The following CRLF2 variants were observed in gnomAD, a reference collection of about 807,000 sequenced individuals.
CRLF2 encodes the protein cytokine receptor like factor 2, also known as cytokine receptor-like factor 2.
Under a neutral mutation model 38.7 loss-of-function variants are expected in CRLF2, and 41 were observed. The ratio of observed to expected loss-of-function variants is 1.06; its 90% CI spans 0.83 to 1.37. CRLF2 has a LOEUF of 1.37. CRLF2 is among the 40% of genes most tolerant of loss of function. The pLI is 0.00. For synonymous variants in CRLF2, 140 were observed against 128.8 expected, an observed-to-expected ratio of 1.09 and a Z score of -0.59; for missense variants, 377 against 322.2, an observed-to-expected ratio of 1.17 and a Z score of -1.30.
intron 4 of CRLF2, among the ~76,000 whole-genome samples, chrX:1,201,742 C>A (rs1378487082): frequency 4.0e-5 from 6 of 151,572 alleles, no homozygotes; most frequent in Non-Finnish European, 8.8e-5. Flanking sequence ...TGTATAGATA[C>A]ATACATAGAT....
intron 4 of CRLF2, 135 bp from the exon 5 acceptor site, chrX:1,198,859 A>T: frequency 1.1e-6 from 1 of 885,634 alleles, no homozygotes; most frequent in Non-Finnish European, 1.8e-6. Flanking sequence ...TCAAGAATGG[A>T]GCCGCGAGGC....
intron 3 of CRLF2, among the ~76,000 whole-genome samples, chrX:1,205,271 C>A (rs2147847073): frequency 6.6e-6 from 1 of 152,322 alleles, no homozygotes; most frequent in East Asian, 1.9e-4. Context: ...AGCTGGGCAC[C>A]GGGCTCTAGT....
At chrX:1,210,090 C>A (rs1447875636) in intron 1 of CRLF2, among the ~76,000 whole-genome samples, 2 of 125,200 alleles carry the variant, frequency 1.6e-5, no homozygotes, top group African/African-American at 3.3e-5. Flanking sequence ...GGTGACACAG[C>A]AAGACTCCCT....
Position 1,206,596 on chromosome X carries a change from G to C in CRLF2, c.186C>G (p.Phe62Leu), listed in dbSNP as rs752709788. Residue 62 changes from phenylalanine (F) to leucine (L), a missense_variant, in exon 3 of 8, where the codon TTC becomes TTG. Phe to Leu is a conservative substitution (Grantham distance 22). Transcript: ENST00000400841. The part of the protein sequence containing the change: ...SRTNLTFHYR[F>L]NGDEAYDQCT... The stretch of plus-strand genomic sequence containing the variant: ...ACTGGTCATAGGCCTCATCACCGTT[G>C]AATCTGTGGTTTAAAACGATGACCA... The C allele has an allele frequency of 4.3e-6, 7 of 1,612,902 alleles. No individual in the cohort carries two copies. The highest frequency in any genetic ancestry group is 1.3e-5 in the African/African-American group (1 of 75,012).
At chrX:1,195,622 G>T (rs2086460104) in intron 6 of CRLF2, among the ~76,000 whole-genome samples, 1 of 148,134 alleles carries the variant, frequency 6.8e-6, no homozygotes, top group African/African-American at 2.4e-5. Context: ...TTGTCGCCCA[G>T]GCTGGAGTAT....
chrX:1,204,232 G>A (rs1232264554), intron 3 of CRLF2, among the ~76,000 whole-genome samples: 1 of 144,966 alleles, frequency 6.9e-6, no homozygotes, highest in East Asian at 2.1e-4. Flanking sequence ...TTAATTTAAT[G>A]AATTTATTTA....
chrX:1,202,342 C>T, intron 4 of CRLF2, 60 bp downstream of exon 4: 2 of 1,603,916 alleles, frequency 1.2e-6, no homozygotes, highest in African/African-American at 1.3e-5. Context: ...GCGAATCCCA[C>T]AGCCCGCACC....
intron 2 of CRLF2, among the ~76,000 whole-genome samples, chrX:1,207,629 CT>C (rs1161337085): frequency 1.1e-3 from 164 of 146,622 alleles, no homozygotes; most frequent in African/African-American, 3.4e-3. Flanking sequence ...AAATCCAGCA[CT>C]TTTTTTTTTC....
chrX:1,195,982 ATT>A (rs1175524222), intron 6 of CRLF2, among the ~76,000 whole-genome samples: 15 of 138,856 alleles, frequency 1.1e-4, no homozygotes, highest in East Asian at 4.0e-4. Context: ...TATTATATAT[ATT>A]TTTATATATT....
At chrX:1,208,728 C>A in intron 2 of CRLF2, 78 bp downstream of exon 2, 1 of 862,360 alleles carries the variant, frequency 1.2e-6, no homozygotes, top group Non-Finnish European at 2.0e-6. Context: ...TGTTCTCAAG[C>A]ATTCCCAATC....
Position 1,202,423 on chromosome X carries a change from G to T in CRLF2, c.462C>A (p.Ser154Arg), listed in dbSNP as rs777346463. The T allele has an allele frequency of 6.2e-7, 1 of 1,613,628 alleles. No homozygotes were observed. Among genetic ancestry groups the T allele is most frequent in the Non-Finnish European group, 8.5e-7 (1 of 1,179,606 alleles). The stretch of plus-strand genomic sequence containing the variant: ...TCACCTGCCACTCGGTGTCGAAGGG[G>T]CTCCGGTACTGAACCTCATAGAGGA... ...GDLLYEVQYRSPFDTEWQSKQ... is the reference protein window; with the variant it reads ...GDLLYEVQYRRPFDTEWQSKQ... The change falls in exon 4 of 8, where the codon AGC (serine) becomes AGA (arginine). Residue 154 changes from serine to arginine, a missense_variant. Ser to Arg is a moderately radical substitution (Grantham distance 110). Coordinates refer to ENST00000400841, the MANE Select transcript of CRLF2 (RefSeq NM_022148.4).
intron 7 of CRLF2, among the ~76,000 whole-genome samples, chrX:1,192,141 C>A (rs1388168380): frequency 7.6e-6 from 1 of 131,122 alleles, no homozygotes; most frequent in Non-Finnish European, 1.6e-5. Context: ...GGAGGTGGAG[C>A]TTGCAGTGAG....
chrX:1,211,257 G>GTGGATGGATGGATGGA lies in CRLF2; in HGVS notation c.79+1283_79+1298dup, dbSNP rs772836935. 7.1e-4 allele frequency among the ~76,000 whole-genome samples: 77 copies of GTGGATGGATGGATGGA among 107,756 alleles called. 1 individual carries two copies. The highest frequency in any genetic ancestry group is 4.9e-4 in the Non-Finnish European group (25 of 51,436). 70.7% of individuals were successfully genotyped at this position (107,756 alleles called of 152,430 possible). On this transcript the variant is annotated intron_variant, in intron 1 of 7. Coordinates refer to ENST00000400841, the MANE Select transcript of CRLF2 (RefSeq NM_022148.4). ...GATGGGTGGGTGGGTGGATGGATGGGTGGATGGATGGATGGATGGATGGAT... is the reference window on the plus strand; with the variant it reads ...GATGGGTGGGTGGGTGGATGGATGGGTGGATGGATGGATGGATGGATGGATGGATGGATGGATGGAT...
chrX:1,207,143 G>C (rs1457334789), intron 2 of CRLF2, among the ~76,000 whole-genome samples: 3 of 150,424 alleles, frequency 2.0e-5, no homozygotes, highest in African/African-American at 7.4e-5. Context: ...ATGGGATTTC[G>C]CCATGTTGAC....
At chrX:1,198,001 A>G (rs191236407) in intron 5 of CRLF2, among the ~76,000 whole-genome samples, 11 of 152,116 alleles carry the variant, frequency 7.2e-5, no homozygotes, top group Middle Eastern at 3.4e-3. Context: ...TGTTTCTCAA[A>G]AAAACAAAAG....
rs1333556562 is a variant in CRLF2, at chrX:1,192,708, T to TTTC, written c.852+509_852+510insGAA. 8.7e-4 allele frequency among the ~76,000 whole-genome samples: 96 copies of TTTC among 110,102 alleles called. 2 individuals carry two copies. Among genetic ancestry groups the TTTC allele is most frequent in the South Asian group, 3.9e-3 (12 of 3,056 alleles). The allele number at this position is 110,102 out of a possible 152,430, so 72.2% of individuals were successfully genotyped here. ...TTCTCTTTCTTTTTCTTTTCTTTTC[T>TTTC]TTTCTTTCTTTCTTTCTTTCTTTCT... On this transcript the variant is annotated intron_variant, in intron 7 of 7. Transcript: ENST00000400841.
chrX:1,211,011 G>C (rs1324010562), intron 1 of CRLF2, among the ~76,000 whole-genome samples: 1 of 151,010 alleles, frequency 6.6e-6, no homozygotes, highest in Non-Finnish European at 1.5e-5. Flanking sequence ...ATGAGTGGAT[G>C]AAAGTGTGGG....
intron 3 of CRLF2, among the ~76,000 whole-genome samples, chrX:1,204,289 C>T (rs189965301): frequency 2.4e-4 from 36 of 152,038 alleles, no homozygotes; most frequent in African/African-American, 8.7e-4. Context: ...AGTGCAATGG[C>T]GCGATCTCGG....
intron 2 of CRLF2, among the ~76,000 whole-genome samples, chrX:1,207,265 T>G (rs1423790426): frequency 6.6e-6 from 1 of 150,846 alleles, no homozygotes; most frequent in Non-Finnish European, 1.5e-5. Context: ...TTTGTTCGTT[T>G]GTTTTTTGAA....
Sources: gnomAD v4.1 joint callset for allele counts (sites outside exome capture counted in the v4.1 genomes callset) on GRCh38, gnomAD v4.1.1 for gene constraint, MANE v1.5 for transcripts, NCBI Gene and HGNC (gene_info 2026-07-23, HGNC 2026-07-21) for gene names.